Variants in CYP46A1 observed in about 807,000 individuals in gnomAD.
CYP46A1 encodes cytochrome P450 family 46 subfamily A member 1, also known as cholesterol 24-hydroxylase.
A neutral mutation model predicts 63.3 loss-of-function variants in CYP46A1; 20 were observed. The observed-to-expected ratio is 0.32, with a 90% CI of 0.22 to 0.46. The LOEUF is 0.46. CYP46A1 is among the 20% of genes least tolerant of loss of function. The probability of loss-of-function intolerance (pLI) is 1.00; values close to 1 mark genes in which losing one functional copy is unlikely to be tolerated. For synonymous variants in CYP46A1, 268 were observed against 273.6 expected (o/e 0.98, Z 0.20); for missense variants, 445 against 670.8 (o/e 0.66, Z 3.72).
chr14:99,703,480 C>A (rs1483699993), intron 5 of CYP46A1, among the ~76,000 whole-genome samples: 2 of 152,146 alleles, frequency 1.3e-5, no homozygotes, highest in African/African-American at 4.8e-5. Flanking sequence ...CCCCATTCAC[C>A]CTCAGTCTGC....
At chr14:99,698,782 C>A (rs899106834) in intron 3 of CYP46A1, among the ~76,000 whole-genome samples, 1 of 152,178 alleles carries the variant, frequency 6.6e-6, no homozygotes, top group Non-Finnish European at 1.5e-5. Context: ...ACGCTGTTAA[C>A]CACTGGGCAA....
intron 5 of CYP46A1, among the ~76,000 whole-genome samples, chr14:99,702,424 A>G (rs996746255): frequency 3.5e-4 from 53 of 152,280 alleles, no homozygotes; most frequent in African/African-American, 1.3e-3. Flanking sequence ...ATTTTTGTAC[A>G]AGTGTTTGTA....
chr14:99,718,147 G>T (rs899066236), intron 10 of CYP46A1, 21 bp downstream of exon 10: 1 of 1,610,502 alleles, frequency 6.2e-7, no homozygotes, highest in African/African-American at 1.3e-5. Flanking sequence ...TGCTCTTGGG[G>T]CTGGCAAAGA....
intron 5 of CYP46A1, among the ~76,000 whole-genome samples, chr14:99,700,903 C>G (rs2056625367): frequency 6.6e-6 from 1 of 152,062 alleles, no homozygotes; most frequent in African/African-American, 2.4e-5. Flanking sequence ...TGAAGACTTT[C>G]CAGTGAGGAA....
At chr14:99,712,963 A>G (rs1014875929) in intron 7 of CYP46A1, 1 of 152,218 alleles carries the variant, frequency 6.6e-6, no homozygotes, top group African/African-American at 2.4e-5. Context: ...ACATAGACCA[A>G]TGTAACAGAA....
chr14:99,726,769 T>C lies in CYP46A1; in HGVS notation c.*42T>C, dbSNP rs1172432348. The C allele has an allele frequency of 3.1e-5, 45 of 1,441,330 alleles. No individual in the cohort carries two copies. The highest frequency in any genetic ancestry group is 4.1e-5 in the Non-Finnish European group (45 of 1,085,254). 89.3% of individuals were successfully genotyped at this position (1,441,330 alleles called of 1,614,324 possible). ...GACGAGACTCCTCGGGCAAGGGCCG[T>C]GCCCGCCCACCTCTGCTGCCCACGG... On this transcript the variant is annotated 3_prime_UTR_variant, in exon 15 of 15. Coordinates refer to ENST00000261835, the MANE Select transcript of CYP46A1 (RefSeq NM_006668.2).
intron 9 of CYP46A1, among the ~76,000 whole-genome samples, chr14:99,717,271 A>G (rs1293439450): frequency 6.6e-6 from 1 of 152,054 alleles, no homozygotes; most frequent in East Asian, 1.9e-4. Flanking sequence ...TCGTCCCTCC[A>G]GTCTATCCCT....
At position 99,718,039 on chromosome 14, in the gene CYP46A1, C is replaced by G. The variant is rs772725595; in HGVS notation, c.908-15C>G. On this transcript the variant is annotated splice_polypyrimidine_tract_variant and intron_variant, in intron 9 of 14. Coordinates refer to ENST00000261835, the MANE Select transcript of CYP46A1 (RefSeq NM_006668.2). ...TGGCCCCATGTGGAGCAACCACCGTCCTCCCTTCCCACAGGTCACGAGACC... is the reference window on the plus strand; with the variant it reads ...TGGCCCCATGTGGAGCAACCACCGTGCTCCCTTCCCACAGGTCACGAGACC... 2 of 1,610,642 alleles carry G rather than the reference C, an allele frequency of 1.2e-6. No individual in the cohort carries two copies. The highest frequency in any genetic ancestry group is 4.5e-5 in the East Asian group (2 of 44,864).
At chr14:99,710,066 A>G (rs2056715839) in intron 7 of CYP46A1, 1 of 152,220 alleles carries the variant, frequency 6.6e-6, no homozygotes, top group African/African-American at 2.4e-5. Flanking sequence ...CTGGCCCTAC[A>G]AGAAATGTTT....
At chr14:99,708,190 G>A in intron 7 of CYP46A1, 1 of 238,372 alleles carries the variant, frequency 4.2e-6, no homozygotes, top group Non-Finnish European at 8.4e-6. Flanking sequence ...CCTGAGGAAT[G>A]GTCTACCATG....
chr14:99,685,360 C>T (rs2140108549), intron 1 of CYP46A1, among the ~76,000 whole-genome samples: 1 of 128,320 alleles, frequency 7.8e-6, no homozygotes, highest in African/African-American at 2.9e-5. Context: ...TTTCTCAAGC[C>T]TGGGCCTGGC....
In CYP46A1 at chr14:99,696,489, T is replaced by C. The variant is rs2056588450; in HGVS notation, c.283-2977T>C. 2.0e-5 allele frequency among the ~76,000 whole-genome samples: 3 copies of C among 152,228 alleles called. No individual in the cohort carries two copies. The South Asian group carries it at 6.2e-4, about 31-fold the overall frequency. On this transcript the variant is annotated intron_variant, in intron 3 of 14. Transcript: ENST00000261835. ...GGTTTATAATTTCATCTTTAACTTA[T>C]ATAAATATATCTTCAAATAATATTA... is the stretch of plus-strand genomic sequence containing the variant.
chr14:99,707,185 G>A (rs139017956), intron 6 of CYP46A1, among the ~76,000 whole-genome samples: 270 of 152,340 alleles, frequency 1.8e-3, no homozygotes, highest in Non-Finnish European at 2.4e-3. Flanking sequence ...ATGTGGGGGC[G>A]GGGCAGGTCA....
Position 99,722,169 on chromosome 14 carries a change from T to C in CYP46A1, c.1176+103T>C. 1 of 788,086 alleles carries C rather than the reference T, an allele frequency of 1.3e-6. No homozygotes were observed. Among genetic ancestry groups the C allele is most frequent in the East Asian group, 2.7e-5 (1 of 37,170 alleles). 48.8% of individuals were successfully genotyped at this position (788,086 alleles called of 1,614,324 possible). On this transcript the variant is annotated intron_variant, in intron 12 of 14. Coordinates refer to ENST00000261835, the MANE Select transcript of CYP46A1 (RefSeq NM_006668.2). The surrounding 1 kb of genome is among the most constrained non-coding windows in gnomAD (Gnocchi z 4.6). Reference sequence around the variant, plus strand: ...GAGCCTGTGGCCCTGTTCCCATCATTGCAACGGGCCTCACTGGCTGCCCTG... The same window carrying C: ...GAGCCTGTGGCCCTGTTCCCATCATCGCAACGGGCCTCACTGGCTGCCCTG...
chr14:99,693,203 T>C (rs1398863966), intron 3 of CYP46A1: 2 of 152,890 alleles, frequency 1.3e-5, no homozygotes, highest in Non-Finnish European at 1.5e-5. Context: ...CAATGGAGGG[T>C]GGCTGTGGTG....
intron 3 of CYP46A1, among the ~76,000 whole-genome samples, chr14:99,697,036 T>C (rs1348373951): frequency 6.6e-6 from 1 of 152,198 alleles, no homozygotes; most frequent in Non-Finnish European, 1.5e-5. Flanking sequence ...GGTTTGTCTA[T>C]TCTGGGTAGT....
chr14:99,718,837 T>G (rs2056817039), intron 10 of CYP46A1, among the ~76,000 whole-genome samples: 1 of 152,038 alleles, frequency 6.6e-6, no homozygotes, highest in Non-Finnish European at 1.5e-5. Context: ...GGTTTAAAAA[T>G]AAGTATAATT....
intron 8 of CYP46A1, 21 bp from the exon 9 acceptor site, chr14:99,716,116 G>A (rs769692561): frequency 6.2e-6 from 10 of 1,614,062 alleles, no homozygotes; most frequent in Non-Finnish European, 8.5e-6. Context: ...GCTGGGAACT[G>A]AGACTCTCCT....
At chr14:99,692,541 A>T (rs1390459357) in intron 3 of CYP46A1, among the ~76,000 whole-genome samples, 3 of 151,738 alleles carry the variant, frequency 2.0e-5, no homozygotes, top group Non-Finnish European at 1.5e-5. Flanking sequence ...CTCCATCTCA[A>T]AAAAAGGGCC....
Sources: allele counts gnomAD v4.1 joint callset (sites outside exome capture counted in the v4.1 genomes callset), GRCh38; gene constraint gnomAD v4.1.1; non-coding constraint Gnocchi (gnomAD v3.1); transcripts MANE v1.5; gene names NCBI Gene and HGNC (gene_info 2026-07-23, HGNC 2026-07-21).